Variants in IZUMO4 observed in about 807,000 individuals in gnomAD.
IZUMO4 encodes the protein IZUMO family member 4.
Under a neutral mutation model 37.1 loss-of-function variants are expected in IZUMO4, and 51 were observed. The observed-to-expected ratio is 1.38, with a 90% CI of 1.10 to 1.74. The LOEUF (loss-of-function observed/expected upper bound fraction) is 1.74, where lower values mean the gene tolerates loss of function less well. IZUMO4 is among the 40% of genes most tolerant of loss of function. IZUMO4 has a pLI of 0.00. For synonymous variants in IZUMO4, 162 were observed against 121.4 expected (o/e 1.33, Z -2.20); for missense variants, 364 against 299.6 (o/e 1.21, Z -1.59).
In IZUMO4 at chr19:2,099,378, G is replaced by A. The variant is rs866105831; in HGVS notation, c.*33G>A. 4.0e-6 allele frequency: 6 copies of A among 1,488,222 alleles called. No homozygotes were observed. The highest frequency in any genetic ancestry group is 5.6e-6 in the Non-Finnish European group (6 of 1,081,072). 92.2% of individuals were successfully genotyped at this position (1,488,222 alleles called of 1,614,324 possible). ...TGGGCCTGCCCCAGGGCAACGTGGG[G>A]GCGGAGACTCAGCTGGACAGCCCCT... is the stretch of plus-strand genomic sequence containing the variant. On this transcript the variant is annotated 3_prime_UTR_variant, in exon 10 of 10. Transcript: ENST00000395301.
intron 2 of IZUMO4, 38 bp downstream of exon 2, chr19:2,097,370 C>A: frequency 6.2e-7 from 1 of 1,604,318 alleles, no homozygotes; most frequent in Non-Finnish European, 8.5e-7. Context: ...CCCCCCACCC[C>A]GGGACACCCC....
chr19:2,097,984 G>T, intron 4 of IZUMO4, 29 bp downstream of exon 4: 1 of 1,613,220 alleles, frequency 6.2e-7, no homozygotes, highest in Non-Finnish European at 8.5e-7. Flanking sequence ...AGGCTGAGGG[G>T]CGTGCCGGTG....
In IZUMO4 at chr19:2,097,480, A is replaced by T. The variant is rs756177100; in HGVS notation, c.355A>T (p.Asn119Tyr). Reference protein sequence around the residue: ...IFREQVHLIQNAIIESRIDCQ... With the variant: ...IFREQVHLIQYAIIESRIDCQ... ...CCGGGAGCAGGTGCACCTCATCCAG[A>T]ACGCCATCATCGAAAGTGAGCAAAT... Residue 119 changes from asparagine (N) to tyrosine (Y), a missense_variant, in exon 3 of 10, where the codon AAC (asparagine) becomes TAC (tyrosine). Coordinates refer to ENST00000395301, the MANE Select transcript of IZUMO4 (RefSeq NM_001039846.2). 4.3e-6 allele frequency: 7 copies of T among 1,613,284 alleles called. No homozygotes were observed. The South Asian group carries it at 5.5e-5, about 13-fold the overall frequency.
At chr19:2,099,172 TG>T in intron 9 of IZUMO4, 82 bp from the exon 10 acceptor site, 2 of 1,407,240 alleles carry the variant, frequency 1.4e-6, no homozygotes, top group Non-Finnish European at 2.0e-6. Flanking sequence ...ACGTCCCAGC[TG>T]GGAGGAGAGG....
chr19:2,097,637 C>A, intron 3 of IZUMO4, 142 bp downstream of exon 3: 1 of 814,990 alleles, frequency 1.2e-6, no homozygotes, highest in East Asian at 2.5e-5. Flanking sequence ...GGGAGGGACC[C>A]AGCCTAGCAC....
chr19:2,098,032 G>A lies in IZUMO4; in HGVS notation c.398-20G>A, dbSNP rs752519169. 2.5e-6 allele frequency: 4 copies of A among 1,613,248 alleles called. No individual in the cohort carries two copies. The highest frequency in any genetic ancestry group is 1.1e-5 in the South Asian group (1 of 91,092). ...CCTGGAGGCTGAGGGGAGCCCTGGCGGCTCTTGTACGTGTTTCAGGCATCT... is the reference window on the plus strand; with the variant it reads ...CCTGGAGGCTGAGGGGAGCCCTGGCAGCTCTTGTACGTGTTTCAGGCATCT... On this transcript the variant is annotated intron_variant, in intron 4 of 9. Transcript: ENST00000395301.
At position 2,098,821 on chromosome 19, in the gene IZUMO4, C is replaced by G. The variant is rs140499930; in HGVS notation, c.554+17C>G. 1.9e-6 allele frequency: 3 copies of G among 1,590,694 alleles called. No individual in the cohort carries two copies. The highest frequency in any genetic ancestry group is 1.4e-5 in the African/African-American group (1 of 72,776). ...GAGCATGAGGTAAGGCCGCCCTGACCTGGACTTCAGGGGGAGGGGGTAAAG... is the reference window on the plus strand; with the variant it reads ...GAGCATGAGGTAAGGCCGCCCTGACGTGGACTTCAGGGGGAGGGGGTAAAG... On this transcript the variant is annotated intron_variant, in intron 8 of 9. Coordinates refer to ENST00000395301, the MANE Select transcript of IZUMO4 (RefSeq NM_001039846.2).
At chr19:2,098,175 T>TG (rs1286607278) in intron 5 of IZUMO4, 48 bp downstream of exon 5, 2 of 1,611,492 alleles carry the variant, frequency 1.2e-6, no homozygotes, top group East Asian at 4.5e-5. Flanking sequence ...CTACTGTCCC[T>TG]GGGGTCCCAG....
intron 6 of IZUMO4, 35 bp from the exon 7 acceptor site, chr19:2,098,401 T>C: frequency 1.2e-6 from 2 of 1,613,976 alleles, no homozygotes; most frequent in Non-Finnish European, 1.7e-6. Context: ...CCACGGCCAC[T>C]CGGCCTCCTG....
At chr19:2,097,885 C>T (rs1046936682) in intron 3 of IZUMO4, 44 bp from the exon 4 acceptor site, 3 of 1,610,856 alleles carry the variant, frequency 1.9e-6, no homozygotes, top group African/African-American at 1.3e-5. Flanking sequence ...GGACTGGGGA[C>T]AAGGCTGGGC....
intron 4 of IZUMO4, 48 bp downstream of exon 4, chr19:2,098,003 G>A: frequency 4.3e-6 from 7 of 1,613,162 alleles, no homozygotes; most frequent in Non-Finnish European, 5.9e-6. Context: ...TGGCAGCTCG[G>A]GGCCCTGGAG....
At chr19:2,097,625 C>A in intron 3 of IZUMO4, 130 bp downstream of exon 3, 2 of 869,526 alleles carry the variant, frequency 2.3e-6, no homozygotes, top group Non-Finnish European at 3.8e-6. Flanking sequence ...GGCAGCTCTC[C>A]AGGGAGGGAC....
chr19:2,098,881 C>T (rs943606740), intron 8 of IZUMO4, 77 bp downstream of exon 8: 2 of 1,572,944 alleles, frequency 1.3e-6, no homozygotes, highest in African/African-American at 1.4e-5. Context: ...TCCTCTAGAT[C>T]AGTGGGGGCA....
intron 8 of IZUMO4, 46 bp downstream of exon 8, chr19:2,098,850 G>A (rs2017809565): frequency 1.3e-6 from 2 of 1,563,690 alleles, no homozygotes; most frequent in East Asian, 2.3e-5. Flanking sequence ...GGTAAAGGGA[G>A]AGAGGAGGGG....
At position 2,099,452 on chromosome 19, in the gene IZUMO4, G is replaced by C. The variant is rs534669235; in HGVS notation, c.*107G>C. The C allele has an allele frequency of 1.6e-5, 8 of 491,470 alleles. No individual in the cohort carries two copies. The East Asian group carries it at 3.6e-4, about 22-fold the overall frequency. The allele number at this position is 491,470 out of a possible 1,614,324, so 30.4% of individuals were successfully genotyped here. On this transcript the variant is annotated 3_prime_UTR_variant, in exon 10 of 10. Transcript: ENST00000395301. ...GCTGCTGCCTCAGGACCCCCTCTCC[G>C]ACCCCGGACAGAGCTGAGCTGGCCA... is the stretch of plus-strand genomic sequence containing the variant.
chr19:2,098,319 G>A lies in IZUMO4; in HGVS notation c.506G>A (p.Gly169Asp), dbSNP rs148904519. The change falls in exon 6 of 10, where the codon GGC becomes GAC. Residue 169 changes from glycine (G) to aspartate (D), a missense_variant. Physicochemically the swap from Gly to Asp is moderately conservative, Grantham distance 94. Transcript: ENST00000395301. ...SSAQWKSAVQ[G>D]LLNYINNWHK... The stretch of plus-strand genomic sequence containing the variant: ...GCGCAGTGGAAGTCAGCTGTCCAGG[G>A]CCTCCTGAACTACATGTGAGTGGGG... 4.0e-5 allele frequency: 65 copies of A among 1,613,980 alleles called. No individual in the cohort carries two copies. In the African/African-American group the frequency reaches 6.1e-4, roughly 15 times the overall value.
At chr19:2,098,716 G>A in intron 7 of IZUMO4, 71 bp from the exon 8 acceptor site, 1 of 1,595,880 alleles carries the variant, frequency 6.3e-7, no homozygotes. Flanking sequence ...TGTGGTCAGA[G>A]CCTGGGAGGG....
intron 2 of IZUMO4, 41 bp from the exon 3 acceptor site, chr19:2,097,383 C>A: frequency 6.2e-7 from 1 of 1,609,754 alleles, no homozygotes; most frequent in Non-Finnish European, 8.5e-7. Flanking sequence ...GACACCCCGC[C>A]CACCGCCTGA....
chr19:2,099,135 C>A, intron 9 of IZUMO4, 106 bp downstream of exon 9: 2 of 1,394,594 alleles, frequency 1.4e-6, no homozygotes, highest in South Asian at 1.2e-5. Flanking sequence ...ACGAGGGTGT[C>A]GTGGATGTGG....
Sources: allele counts gnomAD v4.1 joint callset, GRCh38; gene constraint gnomAD v4.1.1; transcripts MANE v1.5; gene names NCBI Gene and HGNC (gene_info 2026-07-23, HGNC 2026-07-21).